Variants in ANKS1A observed in about 807,000 individuals in gnomAD.
ANKS1A encodes ankyrin repeat and SAM domain-containing protein 1A.
In ANKS1A, 55 loss-of-function variants were observed where a neutral mutation model predicts 120.3. The observed-to-expected ratio is 0.46, with a 90% CI of 0.37 to 0.57. The LOEUF is 0.57. Among genes scored for constraint, ANKS1A ranks in the 20% least tolerant of loss-of-function variants. The pLI is 0.00. For synonymous variants in ANKS1A, 590 were observed against 604.7 expected (o/e 0.98, Z 0.36); for missense variants, 1,123 against 1,480.3 (o/e 0.76, Z 3.96).
chr6:34,895,956 G>A (rs1211156152), intron 1 of ANKS1A, among the ~76,000 whole-genome samples: 1 of 151,330 alleles, frequency 6.6e-6, no homozygotes, highest in Non-Finnish European at 1.5e-5. Flanking sequence ...AGTAGGGACG[G>A]GATTTCACTG....
intron 13 of ANKS1A, among the ~76,000 whole-genome samples, chr6:35,072,840 G>C (rs1018149775): frequency 6.6e-6 from 1 of 152,176 alleles, no homozygotes; most frequent in African/African-American, 2.4e-5. Context: ...AGCCCAGGAC[G>C]GGTGTCCTGC....
intron 1 of ANKS1A, among the ~76,000 whole-genome samples, chr6:34,921,795 T>G (rs1768444839): frequency 6.6e-6 from 1 of 152,196 alleles, no homozygotes; most frequent in South Asian, 2.1e-4. Flanking sequence ...ACTCCTGGGC[T>G]TAAGCGATCC....
chr6:35,012,941 A>G (rs1438736854), intron 10 of ANKS1A, among the ~76,000 whole-genome samples: 1 of 152,030 alleles, frequency 6.6e-6, no homozygotes, highest in Non-Finnish European at 1.5e-5. Flanking sequence ...AGTGTAGGAG[A>G]AAGGCCTAAG....
In ANKS1A at chr6:35,030,326, G is replaced by A. The variant is rs182941263; in HGVS notation, c.2010+12267G>A. 2.6e-4 allele frequency among the ~76,000 whole-genome samples: 39 copies of A among 152,274 alleles called. No homozygotes were observed. The East Asian group carries it at 4.0e-3, about 16-fold the overall frequency. The stretch of plus-strand genomic sequence containing the variant: ...AGAAGCATGTGTTTCCTTTTTTACC[G>A]TAATATTAAGACTCAAAGCATTTCT... On this transcript the variant is annotated intron_variant, in intron 11 of 23. Coordinates refer to ENST00000360359, the MANE Select transcript of ANKS1A (RefSeq NM_015245.3).
intron 9 of ANKS1A, among the ~76,000 whole-genome samples, chr6:34,993,896 A>G (rs1772707253): frequency 6.6e-6 from 1 of 152,240 alleles, no homozygotes; most frequent in Non-Finnish European, 1.5e-5. Flanking sequence ...GGGAGACGCA[A>G]GAAAGGAAGG....
rs1380134826 is a variant in ANKS1A at position 35,008,199 on chromosome 6, C to T, written c.1424-9274C>T. Among the ~76,000 whole-genome samples, 5 of 150,950 alleles carry T rather than the reference C, an allele frequency of 3.3e-5. No homozygotes were observed. The East Asian group carries it at 9.8e-4, about 30-fold the overall frequency. On this transcript the variant is annotated intron_variant, in intron 10 of 23. Transcript: ENST00000360359. ...TTTGACAATTAAGCCTTAACTTCAG[C>T]AGCTTCCTCTTCTCTCGCCATCTTT...
the ANKS1A span, among the ~76,000 whole-genome samples, chr6:35,097,907 T>A: frequency 6.6e-6 from 1 of 152,208 alleles, no homozygotes; most frequent in Non-Finnish European, 1.5e-5. Flanking sequence ...AAAATTTTGT[T>A]CCACAGCTTT....
intron 10 of ANKS1A, chr6:35,005,803 A>C: frequency 2.3e-6 from 1 of 436,934 alleles, no homozygotes; most frequent in Non-Finnish European, 4.5e-6. Flanking sequence ...CTGTAATCCC[A>C]GCACTTTGGG....
At chr6:35,063,335 C>T (rs747049743) in intron 13 of ANKS1A, among the ~76,000 whole-genome samples, 1 of 152,210 alleles carries the variant, frequency 6.6e-6, no homozygotes, top group Non-Finnish European at 1.5e-5. Context: ...TTAATCAGCA[C>T]GGAAGGAAGG....
chr6:34,991,741 T>C (rs13194844), intron 9 of ANKS1A, among the ~76,000 whole-genome samples: 2 of 57,700 alleles, frequency 3.5e-5, no homozygotes, highest in Admixed American at 1.9e-4. Context: ...CACATATATA[T>C]ACATATATAC....
At chr6:34,948,165 T>TA (rs11450084) in intron 1 of ANKS1A, among the ~76,000 whole-genome samples, 1 of 151,686 alleles carries the variant, frequency 6.6e-6, no homozygotes, top group Non-Finnish European at 1.5e-5. Context: ...TTTTTTTTTT[T>TA]AATGTTCCAA....
At position 35,091,381 on chromosome 6, in the gene ANKS1A, A is replaced by G; in HGVS notation, c.*2772A>G. 2 of 985,518 alleles carry G rather than the reference A, an allele frequency of 2.0e-6. No homozygotes were observed. Among genetic ancestry groups the G allele is most frequent in the Non-Finnish European group, 2.4e-6 (2 of 829,944 alleles). The allele number at this position is 985,518 out of a possible 1,614,324, so 61.0% of individuals were successfully genotyped here. ...TACACAACTTAGAACAGACTGAATT[A>G]ATAAATGAGAAGCGACATGAACGCA... On this transcript the variant is annotated 3_prime_UTR_variant, in exon 24 of 24. Transcript: ENST00000360359.
intron 1 of ANKS1A, among the ~76,000 whole-genome samples, chr6:34,925,188 G>T (rs548151611): frequency 3.4e-4 from 51 of 152,200 alleles, no homozygotes; most frequent in Admixed American, 3.3e-3. Context: ...ATCTTAGTAG[G>T]CTTTTTCTTT....
At chr6:34,944,070 G>A (rs962704633) in intron 1 of ANKS1A, among the ~76,000 whole-genome samples, 1 of 152,126 alleles carries the variant, frequency 6.6e-6, no homozygotes, top group African/African-American at 2.4e-5. Context: ...TCAGGAGATC[G>A]AGACCATCCT....
At chr6:35,008,878 T>C (rs1299778034) in intron 10 of ANKS1A, among the ~76,000 whole-genome samples, 2 of 152,186 alleles carry the variant, frequency 1.3e-5, no homozygotes, top group African/African-American at 4.8e-5. Flanking sequence ...GATAGAGTTA[T>C]ACCTGATAGG....
intron 13 of ANKS1A, chr6:35,070,887 A>G: frequency 1.6e-6 from 1 of 638,852 alleles, no homozygotes; most frequent in Non-Finnish European, 2.9e-6. Flanking sequence ...CATTTGAAGG[A>G]CTCTTCGATG....
Position 34,970,018 on chromosome 6 carries a change from T to C in ANKS1A, c.287T>C (p.Val96Ala). The C allele has an allele frequency of 6.2e-7, 1 of 1,613,626 alleles. No individual in the cohort carries two copies. Among genetic ancestry groups the C allele is most frequent in the Non-Finnish European group, 8.5e-7 (1 of 1,179,816 alleles). The stretch of plus-strand genomic sequence containing the variant: ...TGATTTTTGCCTTCTAGGGATGTGG[T>C]CGAGGTTCTTCTGAGGAACGATGCG... Reference protein sequence around the residue: ...HAALNGHKDVVEVLLRNDALT... With the variant: ...HAALNGHKDVAEVLLRNDALT... Residue 96 changes from valine (V) to alanine (A), a missense_variant, in exon 3 of 24, where the codon GTC (valine) becomes GCC (alanine). Val to Ala is a moderately conservative substitution (Grantham distance 64). Around this residue, in one of 3 missense-constraint regions of ANKS1A, gnomAD observed 146 missense variants for 267.8 expected, o/e 0.55. Coordinates refer to ENST00000360359, the MANE Select transcript of ANKS1A (RefSeq NM_015245.3).
intron 1 of ANKS1A, among the ~76,000 whole-genome samples, chr6:34,957,924 A>G (rs908252137): frequency 3.9e-5 from 6 of 152,236 alleles, no homozygotes; most frequent in African/African-American, 1.2e-4. Context: ...AAATGGAAAT[A>G]CCGGTATCTG....
chr6:35,005,770 T>C (rs751550830), intron 10 of ANKS1A: 1 of 449,362 alleles, frequency 2.2e-6, no homozygotes, highest in Admixed American at 2.4e-5. Context: ...AGAATATTGT[T>C]GGCCGGGCAT....
Sources: allele counts gnomAD v4.1 joint callset (sites outside exome capture counted in the v4.1 genomes callset), GRCh38; gene constraint gnomAD v4.1.1; regional missense constraint gnomAD v4.1.1; transcripts MANE v1.5; gene names NCBI Gene and HGNC (gene_info 2026-07-23, HGNC 2026-07-21).